KIAA2012: variants seen among roughly 807,000 people sequenced by gnomAD.
The protein encoded by KIAA2012 is uncharacterized protein KIAA2012.
Under a neutral mutation model 150.6 loss-of-function variants are expected in KIAA2012, and 125 were observed. That is an observed-to-expected ratio of 0.83 (90% CI 0.72 to 0.96). The LOEUF is 0.96. Among genes scored for constraint, KIAA2012 ranks in the 40% least tolerant of loss-of-function variants. The probability of loss-of-function intolerance (pLI) is 0.00; values close to 1 mark genes in which losing one functional copy is unlikely to be tolerated. For synonymous variants in KIAA2012, 462 were observed against 504.7 expected (o/e 0.92, Z 1.13); for missense variants, 1,219 against 1,354.9 (o/e 0.90, Z 1.57).
intron 14 of KIAA2012, among the ~76,000 whole-genome samples, chr2:202,158,881 C>T (rs1691592389): frequency 6.6e-6 from 1 of 152,012 alleles, no homozygotes; most frequent in South Asian, 2.1e-4. Flanking sequence ...ATTGAATATC[C>T]TTATACTCCA....
At chr2:202,123,255 C>T (rs535986170) in intron 11 of KIAA2012, among the ~76,000 whole-genome samples, 1 of 152,328 alleles carries the variant, frequency 6.6e-6, no homozygotes, top group South Asian at 2.1e-4. Context: ...CTTTCTCTTT[C>T]GTGACTGTTT....
At position 202,100,180 on chromosome 2, in the gene KIAA2012, T is replaced by C. The variant is rs566739355; in HGVS notation, c.1013-127T>C. Reference sequence around the variant, plus strand: ...AACCTGCCTCCCCCAAAGCTAGGGCTGTCCCAGTGCCCCAGCACACTGCCT... The same window carrying C: ...AACCTGCCTCCCCCAAAGCTAGGGCCGTCCCAGTGCCCCAGCACACTGCCT... On this transcript the variant is annotated intron_variant, in intron 6 of 23. Coordinates refer to ENST00000498697, the MANE Select transcript of KIAA2012 (RefSeq NM_001277372.4). The C allele has an allele frequency of 2.2e-5, 22 of 1,005,486 alleles. No homozygotes were observed. The East Asian group carries it at 5.5e-4, about 25-fold the overall frequency. 62.3% of individuals were successfully genotyped at this position (1,005,486 alleles called of 1,614,324 possible). A position where few individuals can be genotyped will look rare whatever the true frequency, so the allele number is the denominator to read the frequency against.
intron 15 of KIAA2012, among the ~76,000 whole-genome samples, chr2:202,171,150 C>A (rs972462726): frequency 6.6e-6 from 1 of 151,036 alleles, no homozygotes; most frequent in Non-Finnish European, 1.5e-5. Flanking sequence ...CAGACATATA[C>A]ACACACACAT....
intron 16 of KIAA2012, among the ~76,000 whole-genome samples, chr2:202,186,189 T>C (rs1218082481): frequency 2.0e-5 from 3 of 152,146 alleles, no homozygotes; most frequent in Non-Finnish European, 4.4e-5. Flanking sequence ...CATGACCTTT[T>C]AGTGGCTGAA....
At position 202,197,195 on chromosome 2, in the gene KIAA2012, T is replaced by C; in HGVS notation, c.3407+176T>C. On this transcript the variant is annotated intron_variant, in intron 22 of 23. Transcript: ENST00000498697. ...TTTGCTGCAAATGTCAAGGATTCCT[T>C]TGTAGCTTAATGAAGTTGTAATGAA... The C allele has an allele frequency of 3.1e-6, 3 of 981,542 alleles. No individual in the cohort carries two copies. The South Asian group carries it at 5.3e-5, about 17-fold the overall frequency. 60.8% of individuals were successfully genotyped at this position (981,542 alleles called of 1,614,324 possible).
At chr2:202,149,500 C>T (rs565866283) in intron 13 of KIAA2012, among the ~76,000 whole-genome samples, 2 of 152,336 alleles carry the variant, frequency 1.3e-5, no homozygotes, top group South Asian at 2.1e-4. Flanking sequence ...CGCAGGTTCC[C>T]GGAGCCTCTT....
chr2:202,076,620 C>T (rs944866840), intron 2 of KIAA2012, among the ~76,000 whole-genome samples: 3 of 152,144 alleles, frequency 2.0e-5, no homozygotes, highest in South Asian at 4.1e-4. Context: ...GTTTTTCTTG[C>T]CTCCTTGTAT....
At position 202,159,594 on chromosome 2, in the gene KIAA2012, C is replaced by A. The variant is rs531969955; in HGVS notation, c.2046+4784C>A. 3.3e-5 allele frequency among the ~76,000 whole-genome samples: 5 copies of A among 152,304 alleles called. No homozygotes were observed. In the East Asian group the frequency reaches 9.7e-4, roughly 29 times the overall value. ...TGGTGGCTCCCACCTGTAATCCCAG[C>A]ACTTTGGGAGGCCAAGGCAGGTGGA... On this transcript the variant is annotated intron_variant, in intron 14 of 23. Coordinates refer to ENST00000498697, the MANE Select transcript of KIAA2012 (RefSeq NM_001277372.4).
At chr2:202,076,064 C>A (rs1689316719) in intron 2 of KIAA2012, among the ~76,000 whole-genome samples, 1 of 152,186 alleles carries the variant, frequency 6.6e-6, no homozygotes, top group Non-Finnish European at 1.5e-5. Flanking sequence ...TTTGCACACA[C>A]CTCTACAGCT....
At chr2:202,151,931 T>G (rs1691437699) in intron 13 of KIAA2012, among the ~76,000 whole-genome samples, 1 of 152,026 alleles carries the variant, frequency 6.6e-6, no homozygotes, top group Non-Finnish European at 1.5e-5. Flanking sequence ...CAGCTAATTT[T>G]CTTTAAATTT....
chr2:202,188,030 C>G (rs1214140474), intron 17 of KIAA2012, 122 bp from the exon 18 acceptor site: 2 of 752,242 alleles, frequency 2.7e-6, no homozygotes, highest in African/African-American at 1.8e-5. Context: ...TCTGCTTTAC[C>G]TGGAACCCAC....
chr2:202,098,461 T>C (rs1370007214), intron 5 of KIAA2012, among the ~76,000 whole-genome samples: 1 of 152,212 alleles, frequency 6.6e-6, no homozygotes, highest in African/African-American at 2.4e-5. Flanking sequence ...TACAGAGAGC[T>C]TGGAGAAGTT....
chr2:202,100,305 A>G lies in KIAA2012; in HGVS notation c.1013-2A>G. 1 of 1,549,290 alleles carries G rather than the reference A, an allele frequency of 6.5e-7. No homozygotes were observed. The highest frequency in any genetic ancestry group is 8.7e-7 in the Non-Finnish European group (1 of 1,146,412). ...ATTCTCATTCTCATCCTGTTTTTAAAGATAAACAAAGGAACGTGAAACTCC... is the reference window on the plus strand; with the variant it reads ...ATTCTCATTCTCATCCTGTTTTTAAGGATAAACAAAGGAACGTGAAACTCC... On this transcript the variant is annotated splice_acceptor_variant, in intron 6 of 23. Transcript: ENST00000498697. LOFTEE classifies it high-confidence loss of function.
At chr2:202,099,518 G>A in intron 5 of KIAA2012, 95 bp from the exon 6 acceptor site, 1 of 1,016,156 alleles carries the variant, frequency 9.8e-7, no homozygotes, top group African/African-American at 1.6e-5. Context: ...TTTCATCCTT[G>A]AAACCATAAG....
chr2:202,125,449 T>C (rs774161539), intron 12 of KIAA2012, among the ~76,000 whole-genome samples, 167 bp downstream of exon 12: 4 of 152,170 alleles, frequency 2.6e-5, no homozygotes, highest in Non-Finnish European at 4.4e-5. Flanking sequence ...TGTTGTTCTG[T>C]TGAGTTACTC....
At chr2:202,110,367 A>C (rs1690314391) in intron 10 of KIAA2012, among the ~76,000 whole-genome samples, 1 of 152,238 alleles carries the variant, frequency 6.6e-6, no homozygotes, top group Admixed American at 6.5e-5. Context: ...AGGACAGTGC[A>C]AGAGCAGCTC....
In KIAA2012 at chr2:202,188,225, A is replaced by G. The variant is rs765479891; in HGVS notation, c.2450A>G (p.Glu817Gly). ...GACAAAACCAAAGGACCCAAAAGCG[A>G]GAGAGAAGGAAAGGTCTACGGGCAA... Reference protein sequence around the residue: ...KKDKTKGPKSEREGKVYGQAE... With the variant: ...KKDKTKGPKSGREGKVYGQAE... The change falls in exon 18 of 24, where the codon GAG becomes GGG. Residue 817 changes from glutamate to glycine, a missense_variant. Glu to Gly is a moderately conservative substitution (Grantham distance 98). Transcript: ENST00000498697. The G allele has an allele frequency of 2.6e-6, 4 of 1,550,476 alleles. No homozygotes were observed. In the South Asian group the frequency reaches 4.8e-5, roughly 18 times the overall value.
At chr2:202,158,337 T>C (rs1039204663) in intron 14 of KIAA2012, among the ~76,000 whole-genome samples, 9 of 151,986 alleles carry the variant, frequency 5.9e-5, no homozygotes, top group African/African-American at 2.2e-4. Context: ...TATCAGACAC[T>C]GTGATAGGCA....
chr2:202,192,280 A>G (rs560139490), intron 19 of KIAA2012, among the ~76,000 whole-genome samples: 171 of 152,272 alleles, frequency 1.1e-3, no homozygotes, highest in Non-Finnish European at 2.2e-3. Flanking sequence ...CTTGCCTCTC[A>G]AGGTTCCCTT....
Sources: allele counts gnomAD v4.1 joint callset (sites outside exome capture counted in the v4.1 genomes callset), GRCh38; gene constraint gnomAD v4.1.1; transcripts MANE v1.5; gene names NCBI Gene and HGNC (gene_info 2026-07-23, HGNC 2026-07-21).